Variants in ITGA1 observed in about 807,000 individuals in gnomAD.
ITGA1 encodes integrin subunit alpha 1.
A neutral mutation model predicts 145.9 loss-of-function variants in ITGA1; 85 were observed. The ratio of observed to expected loss-of-function variants is 0.58; its 90% confidence interval spans 0.49 to 0.70. ITGA1 has a LOEUF of 0.70. Ranked by LOEUF, ITGA1 falls within the 30% of genes least tolerant of loss-of-function variation. ITGA1 has a pLI of 0.00. For missense variants in ITGA1, 1,351 were observed against 1,418.7 expected (o/e 0.95, Z 0.77); for synonymous variants, 520 against 495.3 (o/e 1.05, Z -0.66).
At position 52,892,856 on chromosome 5, in the gene ITGA1, TAGGGGCAGG is replaced by T. The variant is rs372569004; in HGVS notation, c.925-814_925-806del. Among the ~76,000 whole-genome samples the T allele has an allele frequency of 1.6e-3, 236 of 152,112 alleles. 3 individuals are homozygous for T. The highest frequency in any genetic ancestry group is 5.4e-3 in the African/African-American group (223 of 41,518). ...AACGAGGGGAGGAAGGGATTGACTA[TAGGGGCAGG>T]AGGGAACTTTTTGGGGTGATGTAAA... On this transcript the variant is annotated intron_variant, in intron 8 of 28. Transcript: ENST00000282588.
intron 1 of ITGA1, among the ~76,000 whole-genome samples, chr5:52,815,889 T>G (rs72756543): frequency 0.13 from 20,152 of 152,142 alleles, 1,376 homozygotes; most frequent in Middle Eastern, 0.25. Flanking sequence ...GTTTATAATC[T>G]TAATAAATTA....
At chr5:52,916,949 G>A (rs545813576) in intron 15 of ITGA1, among the ~76,000 whole-genome samples, 1 of 152,232 alleles carries the variant, frequency 6.6e-6, no homozygotes, top group South Asian at 2.1e-4. Flanking sequence ...CCCAAATCAA[G>A]GCATTGATGG....
At chr5:52,852,946 T>C (rs1749451114) in intron 2 of ITGA1, among the ~76,000 whole-genome samples, 1 of 152,108 alleles carries the variant, frequency 6.6e-6, no homozygotes, top group Non-Finnish European at 1.5e-5. Context: ...TGTAATAGAT[T>C]TCATCTCTAC....
At chr5:52,832,265 C>T (rs546333044) in intron 1 of ITGA1, among the ~76,000 whole-genome samples, 5 of 152,050 alleles carry the variant, frequency 3.3e-5, no homozygotes, top group Middle Eastern at 6.8e-3. Context: ...CTGATTGGTC[C>T]CCATAGAATT....
intron 11 of ITGA1, among the ~76,000 whole-genome samples, chr5:52,900,740 C>G (rs1399624483): frequency 6.6e-6 from 1 of 152,120 alleles, no homozygotes; most frequent in African/African-American, 2.4e-5. Flanking sequence ...GCAAATTACT[C>G]TCCCCCTCAA....
chr5:52,953,127 T>G lies in ITGA1; in HGVS notation c.*676T>G, dbSNP rs528507762. ...CAGGATAGACTCGTTTAAAAACAAG[T>G]ATATTAAATGGGTTAAATTAAGCTT... is the stretch of plus-strand genomic sequence containing the variant. On this transcript the variant is annotated 3_prime_UTR_variant, in exon 29 of 29. Coordinates refer to ENST00000282588, the MANE Select transcript of ITGA1 (RefSeq NM_181501.2). 1 of 152,266 alleles carries G rather than the reference T, an allele frequency of 6.6e-6. No homozygotes were observed. Among genetic ancestry groups the G allele is most frequent in the South Asian group, 2.1e-4 (1 of 4,830 alleles). 9.4% of individuals were successfully genotyped at this position (152,266 alleles called of 1,614,324 possible). A position where few individuals can be genotyped will look rare whatever the true frequency, so the allele number is the denominator to read the frequency against.
intron 3 of ITGA1, 108 bp from the exon 4 acceptor site, chr5:52,864,655 G>C: frequency 1.5e-6 from 1 of 663,872 alleles, no homozygotes; most frequent in South Asian, 2.0e-5. Context: ...ACCAAAAGAA[G>C]AATGTGCTAT....
At chr5:52,912,077 A>C (rs1447230096) in intron 14 of ITGA1, among the ~76,000 whole-genome samples, 11 of 141,946 alleles carry the variant, frequency 7.7e-5, no homozygotes, top group Admixed American at 2.2e-4. Context: ...CACACTATAT[A>C]TAGTATATAG....
At chr5:52,924,809 G>T (rs1187869855) in intron 18 of ITGA1, among the ~76,000 whole-genome samples, 1 of 152,154 alleles carries the variant, frequency 6.6e-6, no homozygotes, top group Non-Finnish European at 1.5e-5. Flanking sequence ...GTTACATATG[G>T]TGGTGGTGGA....
At chr5:52,880,980 A>G (rs774977283) in intron 6 of ITGA1, among the ~76,000 whole-genome samples, 2 of 152,166 alleles carry the variant, frequency 1.3e-5, no homozygotes, top group Admixed American at 6.5e-5. Context: ...AGCAAGGGAA[A>G]TCAAATCTGG....
In ITGA1 at chr5:52,955,089, A is replaced by G. The variant is rs1426632051; in HGVS notation, c.*2638A>G. On this transcript the variant is annotated 3_prime_UTR_variant, in exon 29 of 29. Transcript: ENST00000282588. ...GCTCCCATTGTAAACTGAACCATGTATGCACTCTCTTTTCTGACCAAACTA... is the reference window on the plus strand; with the variant it reads ...GCTCCCATTGTAAACTGAACCATGTGTGCACTCTCTTTTCTGACCAAACTA... The G allele has an allele frequency of 1.3e-5, 2 of 152,028 alleles. No homozygotes were observed. Among genetic ancestry groups the G allele is most frequent in the South Asian group, 2.1e-4 (1 of 4,818 alleles). The allele number at this position is 152,028 out of a possible 1,614,324, so 9.4% of individuals were successfully genotyped here. A position where few individuals can be genotyped will look rare whatever the true frequency, so the allele number is the denominator to read the frequency against.
intron 28 of ITGA1, among the ~76,000 whole-genome samples, chr5:52,950,518 G>C (rs1001688590): frequency 2.0e-5 from 3 of 152,124 alleles, no homozygotes; most frequent in Non-Finnish European, 4.4e-5. Flanking sequence ...GCAAACACAG[G>C]AAGGAAAAAA....
intron 27 of ITGA1, among the ~76,000 whole-genome samples, chr5:52,946,044 T>G (rs1038545987): frequency 6.6e-6 from 1 of 152,206 alleles, no homozygotes; most frequent in Non-Finnish European, 1.5e-5. Flanking sequence ...ATGAGTTTTA[T>G]TTTCCCTAAA....
At chr5:52,911,880 A>G (rs1750550248) in intron 14 of ITGA1, among the ~76,000 whole-genome samples, 1 of 132,728 alleles carries the variant, frequency 7.5e-6, no homozygotes, top group Admixed American at 7.9e-5. Flanking sequence ...ATATAGATAC[A>G]CTATATATAG....
intron 1 of ITGA1, among the ~76,000 whole-genome samples, chr5:52,832,441 TGGC>T (rs767710924): frequency 5.3e-5 from 8 of 152,294 alleles, no homozygotes; most frequent in Non-Finnish European, 1.0e-4. Context: ...AGGTAGTTGT[TGGC>T]TTCTGATGAA....
At chr5:52,846,341 T>C (rs1188717522) in intron 1 of ITGA1, among the ~76,000 whole-genome samples, 1 of 152,088 alleles carries the variant, frequency 6.6e-6, no homozygotes, top group Non-Finnish European at 1.5e-5. Flanking sequence ...AGACAGAGGT[T>C]GCAGTGAACA....
At chr5:52,839,700 G>C (rs776367421) in intron 1 of ITGA1, among the ~76,000 whole-genome samples, 1 of 152,126 alleles carries the variant, frequency 6.6e-6, no homozygotes, top group Non-Finnish European at 1.5e-5. Flanking sequence ...GGTTATTTTT[G>C]TTAGTATGCA....
Position 52,909,040 on chromosome 5 carries a change from A to G in ITGA1, c.1598A>G (p.Gln533Arg), listed in dbSNP as rs1750457373. 3 of 1,610,236 alleles carry G rather than the reference A, an allele frequency of 1.9e-6. No homozygotes were observed. Among genetic ancestry groups the G allele is most frequent in the East Asian group, 4.5e-5 (2 of 44,720 alleles). The change falls in exon 13 of 29, where the codon CAG (glutamine) becomes CGG (arginine). Residue 533 changes from glutamine to arginine, a missense_variant and splice_region_variant. Coordinates refer to ENST00000282588, the MANE Select transcript of ITGA1 (RefSeq NM_181501.2). ...AAAGTGTATGTGTATGCTCTCAATC[A>G]GGTAATGGTGTCTGAGTTTGGTAGA... ...QGKVYVYALNQTRFEYQMSLE... is the reference protein window; with the variant it reads ...QGKVYVYALNRTRFEYQMSLE...
intron 15 of ITGA1, 89 bp from the exon 16 acceptor site, chr5:52,918,643 C>T: frequency 7.7e-7 from 1 of 1,290,802 alleles, no homozygotes; most frequent in Non-Finnish European, 1.1e-6. Flanking sequence ...AAGCAGAACC[C>T]TCTTCCATGC....
Sources: gnomAD v4.1 joint callset for allele counts (sites outside exome capture counted in the v4.1 genomes callset) on GRCh38, gnomAD v4.1.1 for gene constraint, MANE v1.5 for transcripts, NCBI Gene and HGNC (gene_info 2026-07-23, HGNC 2026-07-21) for gene names.